The following ANO3 variants were observed in gnomAD, a reference collection of about 807,000 sequenced individuals.
ANO3 encodes the protein anoctamin 3, also known as anoctamin-3.
Under a neutral mutation model 144.8 loss-of-function variants are expected in ANO3, and 99 were observed. The observed-to-expected ratio is 0.68, with a 90% CI of 0.58 to 0.81. ANO3 has a LOEUF of 0.81. Ranked by LOEUF, ANO3 falls within the 30% of genes least tolerant of loss-of-function variation. The pLI, the probability that ANO3 is intolerant of heterozygous loss-of-function variation, is 0.00. For synonymous variants in ANO3, 414 were observed against 392.6 expected (o/e 1.05, Z -0.64); for missense variants, 905 against 1,202.2 (o/e 0.75, Z 3.66).
At chr11:26,213,286 T>C (rs1431661075) in intron 1 of ANO3, among the ~76,000 whole-genome samples, 1 of 152,010 alleles carries the variant, frequency 6.6e-6, no homozygotes, top group Non-Finnish European at 1.5e-5. Context: ...GCCAGGGAAA[T>C]CAGGCAAGAG....
intron 1 of ANO3, among the ~76,000 whole-genome samples, chr11:26,408,981 G>C (rs75482601): frequency 0.16 from 24,133 of 151,428 alleles, 2,119 homozygotes; most frequent in South Asian, 0.3. Flanking sequence ...GTTGTGGGGT[G>C]GGGGGAGTGG....
chr11:26,645,725 G>C (rs959942299), intron 23 of ANO3, among the ~76,000 whole-genome samples: 5 of 152,038 alleles, frequency 3.3e-5, no homozygotes, highest in Admixed American at 6.6e-5. Flanking sequence ...GGGAGGGAGA[G>C]CATCAGGAAA....
intron 14 of ANO3, among the ~76,000 whole-genome samples, chr11:26,568,582 C>A (rs925264239): frequency 5.9e-5 from 9 of 151,896 alleles, no homozygotes; most frequent in Middle Eastern, 6.8e-3. Flanking sequence ...TTCAAAGGAC[C>A]CATTAAATAC....
intron 1 of ANO3, among the ~76,000 whole-genome samples, chr11:26,218,028 A>G (rs10501042): frequency 0.011 from 1,670 of 152,280 alleles, 26 homozygotes; most frequent in African/African-American, 0.038. Context: ...CAGGTCTCCA[A>G]TATTATAAGG....
intron 24 of ANO3, among the ~76,000 whole-genome samples, chr11:26,651,878 T>C (rs1333107260): frequency 1.3e-5 from 2 of 152,208 alleles, no homozygotes. Context: ...TGTTTTAAGG[T>C]TGTTGTAAAA....
intron 17 of ANO3, among the ~76,000 whole-genome samples, chr11:26,606,683 C>T (rs1056099592): frequency 6.6e-6 from 1 of 151,888 alleles, no homozygotes; most frequent in Non-Finnish European, 1.5e-5. Context: ...AGATAGGTCT[C>T]CTGAATATAG....
intron 1 of ANO3, among the ~76,000 whole-genome samples, chr11:26,348,542 T>C (rs1304163123): frequency 6.6e-6 from 1 of 152,212 alleles, no homozygotes; most frequent in Non-Finnish European, 1.5e-5. Flanking sequence ...GGCCAATAAA[T>C]TCCTGTCCTT....
At chr11:26,291,429 G>A (rs1490874492) in intron 1 of ANO3, among the ~76,000 whole-genome samples, 2 of 152,160 alleles carry the variant, frequency 1.3e-5, no homozygotes, top group African/African-American at 4.8e-5. Context: ...ATATTGTTAT[G>A]TGTGAATTAG....
Position 26,302,183 on chromosome 11 carries a change from T to C in ANO3, c.155-7462T>C, listed in dbSNP as rs994299056. Among the ~76,000 whole-genome samples the C allele has an allele frequency of 2.0e-5, 3 of 152,046 alleles. No homozygotes were observed. The South Asian group carries it at 6.2e-4, about 32-fold the overall frequency. ...GAATAGCTAATTCATAAAAAGTGGT[T>C]AGTGTATGAGAGTTTATTTAAGAAA... On this transcript the variant is annotated intron_variant, in intron 1 of 27. Coordinates refer to the ANO3 transcript ENST00000672621.
intron 17 of ANO3, among the ~76,000 whole-genome samples, chr11:26,612,316 A>C (rs1852122706): frequency 6.6e-6 from 1 of 151,852 alleles, no homozygotes; most frequent in Non-Finnish European, 1.5e-5. Context: ...AACCTAAATA[A>C]TCTTGTAGAT....
At chr11:26,540,725 G>A (rs1183276062) in intron 10 of ANO3, among the ~76,000 whole-genome samples, 2 of 152,144 alleles carry the variant, frequency 1.3e-5, no homozygotes, top group Admixed American at 6.6e-5. Flanking sequence ...TTAGAGAAAT[G>A]CAAATCAAAA....
chr11:26,436,469 A>C (rs2134016320), intron 1 of ANO3, among the ~76,000 whole-genome samples: 1 of 152,298 alleles, frequency 6.6e-6, no homozygotes, highest in African/African-American at 2.4e-5. Context: ...CCAATTTTCC[A>C]GTACCTGAAG....
chr11:26,488,999 G>A (rs192997282), intron 4 of ANO3, among the ~76,000 whole-genome samples: 7 of 152,292 alleles, frequency 4.6e-5, no homozygotes, highest in Admixed American at 2.0e-4. Context: ...GCTAGACACA[G>A]AGTGATGATT....
At chr11:26,607,435 C>T (rs1371797510) in intron 17 of ANO3, among the ~76,000 whole-genome samples, 2 of 152,192 alleles carry the variant, frequency 1.3e-5, no homozygotes, top group Non-Finnish European at 2.9e-5. Flanking sequence ...CCATTCTCCT[C>T]ATCTCCTTTA....
At chr11:26,256,094 A>T (rs1853050905) in intron 1 of ANO3, among the ~76,000 whole-genome samples, 1 of 152,154 alleles carries the variant, frequency 6.6e-6, no homozygotes, top group Non-Finnish European at 1.5e-5. Context: ...AGGATCTGTT[A>T]AGCCTGGAAA....
intron 9 of ANO3, among the ~76,000 whole-genome samples, chr11:26,535,132 C>G (rs10742143): frequency 0.71 from 107,758 of 152,082 alleles, 38,505 homozygotes; most frequent in East Asian, 0.84. Flanking sequence ...AACTATATGT[C>G]TCATGTAATT....
chr11:26,479,261 A>T (rs937732478), intron 4 of ANO3, among the ~76,000 whole-genome samples: 1 of 152,180 alleles, frequency 6.6e-6, no homozygotes, highest in Admixed American at 6.5e-5. Flanking sequence ...GATTTCTGTC[A>T]TTTAGAACTG....
At chr11:26,279,506 C>A (rs1853631740) in intron 1 of ANO3, among the ~76,000 whole-genome samples, 1 of 152,092 alleles carries the variant, frequency 6.6e-6, no homozygotes, top group South Asian at 2.1e-4. Context: ...AGACAAACAA[C>A]CCTATTAAAA....
At chr11:26,217,209 C>A (rs1198782963) in intron 1 of ANO3, among the ~76,000 whole-genome samples, 1 of 151,966 alleles carries the variant, frequency 6.6e-6, no homozygotes, top group Non-Finnish European at 1.5e-5. Context: ...ACATTTACGT[C>A]TATGATCCAT....
Sources: allele counts gnomAD v4.1 joint callset (sites outside exome capture counted in the v4.1 genomes callset), GRCh38; gene constraint gnomAD v4.1.1; transcripts MANE v1.5; gene names NCBI Gene and HGNC (gene_info 2026-07-23, HGNC 2026-07-21).